CACNA2D3: variants seen among roughly 807,000 people sequenced by gnomAD.
The protein encoded by CACNA2D3 is voltage-dependent calcium channel subunit alpha-2/delta-3.
In CACNA2D3, 60 loss-of-function variants were observed where a neutral mutation model predicts 160.6. The ratio of observed to expected loss-of-function variants is 0.37; its 90% CI spans 0.30 to 0.46. CACNA2D3 has a LOEUF of 0.46. Among genes scored for constraint, CACNA2D3 ranks in the 20% least tolerant of loss-of-function variants. The pLI is 1.00. For missense variants in CACNA2D3, 1,205 were observed against 1,365.0 expected (o/e 0.88, Z 1.85); for synonymous variants, 558 against 492.9 (o/e 1.13, Z -1.75).
At chr3:55,045,397 G>A (rs1704054964) in intron 35 of CACNA2D3, among the ~76,000 whole-genome samples, 1 of 152,142 alleles carries the variant, frequency 6.6e-6, no homozygotes, top group South Asian at 2.1e-4. Flanking sequence ...ATATCAGGAT[G>A]ATGCTAGCCT....
chr3:54,573,031 TATAGA>T (rs1294676187), intron 8 of CACNA2D3, among the ~76,000 whole-genome samples: 8 of 152,128 alleles, frequency 5.3e-5, no homozygotes, highest in Admixed American at 2.0e-4. Flanking sequence ...TGCCAGTTAT[TATAGA>T]AGAGTTAAGA....
chr3:54,627,500 A>G (rs1699149480), intron 9 of CACNA2D3, among the ~76,000 whole-genome samples: 1 of 152,208 alleles, frequency 6.6e-6, no homozygotes, highest in African/African-American at 2.4e-5. Flanking sequence ...AGAGTCACCA[A>G]TGATGAAACG....
chr3:54,165,114 A>ATTTTTTTTTTTTTTTTT (rs397961895), intron 2 of CACNA2D3, among the ~76,000 whole-genome samples: 1 of 117,888 alleles, frequency 8.5e-6, no homozygotes, highest in African/African-American at 3.1e-5. Flanking sequence ...TCTGAATCTC[A>ATTTTTTTTTTTTTTTTT]TTTTTTTTTT....
intron 2 of CACNA2D3, among the ~76,000 whole-genome samples, chr3:54,309,017 AAG>A (rs1210501795): frequency 1.3e-5 from 2 of 152,264 alleles, no homozygotes; most frequent in African/African-American, 4.8e-5. Flanking sequence ...AATGCATACA[AAG>A]AGATATTTCT....
intron 4 of CACNA2D3, among the ~76,000 whole-genome samples, chr3:54,404,137 C>T (rs1699527837): frequency 6.6e-6 from 1 of 152,154 alleles, no homozygotes; most frequent in African/African-American, 2.4e-5. Context: ...AACATGTTTT[C>T]TGAAGCCAGC....
chr3:54,720,641 T>G (rs1276818833), intron 11 of CACNA2D3, among the ~76,000 whole-genome samples: 1 of 152,098 alleles, frequency 6.6e-6, no homozygotes, highest in East Asian at 1.9e-4. Context: ...TCAGATCTAG[T>G]CTCTACTGAT....
At chr3:54,371,079 G>A (rs777905531) in intron 3 of CACNA2D3, among the ~76,000 whole-genome samples, 45 of 152,170 alleles carry the variant, frequency 3.0e-4, no homozygotes, top group Non-Finnish European at 5.7e-4. Flanking sequence ...ATATTCCATT[G>A]TATGGATACA....
At chr3:54,825,746 C>A (rs1703735315) in intron 14 of CACNA2D3, among the ~76,000 whole-genome samples, 1 of 152,228 alleles carries the variant, frequency 6.6e-6, no homozygotes, top group African/African-American at 2.4e-5. Flanking sequence ...ACCATTTTAA[C>A]ACTGAGGTAA....
At chr3:54,489,842 A>T (rs1701079125) in intron 4 of CACNA2D3, among the ~76,000 whole-genome samples, 1 of 152,166 alleles carries the variant, frequency 6.6e-6, no homozygotes, top group Non-Finnish European at 1.5e-5. Flanking sequence ...ATTTTTTTTA[A>T]AGGAACTGTG....
chr3:54,757,273 T>G (rs1351354121), intron 12 of CACNA2D3, among the ~76,000 whole-genome samples: 5 of 152,148 alleles, frequency 3.3e-5, no homozygotes, highest in Non-Finnish European at 7.3e-5. Context: ...TCAGGTCCAA[T>G]GGAAATGCCA....
At chr3:54,573,374 T>C (rs1702530718) in intron 8 of CACNA2D3, among the ~76,000 whole-genome samples, 1 of 152,258 alleles carries the variant, frequency 6.6e-6, no homozygotes, top group South Asian at 2.1e-4. Flanking sequence ...AGGCAATGTA[T>C]GTAATAATTT....
intron 9 of CACNA2D3, among the ~76,000 whole-genome samples, chr3:54,622,496 C>T (rs1365572966): frequency 6.6e-6 from 1 of 151,934 alleles, no homozygotes; most frequent in African/African-American, 2.4e-5. Context: ...AGGACGGTTG[C>T]GATCTCCTGA....
At chr3:54,989,726 G>A (rs1702697154) in intron 31 of CACNA2D3, among the ~76,000 whole-genome samples, 1 of 152,198 alleles carries the variant, frequency 6.6e-6, no homozygotes, top group African/African-American at 2.4e-5. Context: ...TGTATGAAGA[G>A]CTCAATTAGT....
intron 2 of CACNA2D3, among the ~76,000 whole-genome samples, chr3:54,199,621 A>G (rs1200704474): frequency 7.9e-6 from 1 of 126,666 alleles, no homozygotes; most frequent in African/African-American, 4.3e-5. Flanking sequence ...TTTTTAGATG[A>G]GAGAATCTTA....
chr3:54,205,381 C>G (rs757753914), intron 2 of CACNA2D3, among the ~76,000 whole-genome samples: 10 of 152,186 alleles, frequency 6.6e-5, no homozygotes, highest in Non-Finnish European at 1.3e-4. Flanking sequence ...GTGTGATCCA[C>G]TGCACCCAGC....
chr3:54,615,312 A>G (rs533299053), intron 9 of CACNA2D3, among the ~76,000 whole-genome samples: 2 of 152,360 alleles, frequency 1.3e-5, no homozygotes, highest in African/African-American at 4.8e-5. Context: ...ATAAGTAAAT[A>G]CCAAATAAAT....
chr3:54,320,513 A>G lies in CACNA2D3; in HGVS notation c.276A>G (p.Ala92=). The G allele has an allele frequency of 1.3e-6, 2 of 1,569,802 alleles. No individual in the cohort carries two copies. The highest frequency in any genetic ancestry group is 1.7e-6 in the Non-Finnish European group (2 of 1,156,854). ...IDGLQLVKKL[A]KNMEEMFHKK... ...GCCTCCAACTGGTAAAGAAGCTGGC[A>G]AAGAACATGGAAGAGATGTTTCACA... The change falls in exon 3 of 38, where the codon GCA becomes GCG. Residue 92 remains alanine (A), a synonymous_variant. Coordinates refer to ENST00000474759, the MANE Select transcript of CACNA2D3 (RefSeq NM_018398.3).
intron 27 of CACNA2D3, among the ~76,000 whole-genome samples, chr3:54,924,075 G>T (rs113825058): frequency 4.3e-4 from 65 of 152,324 alleles, no homozygotes; most frequent in African/African-American, 1.5e-3. Flanking sequence ...TTGCTTTGCT[G>T]TTGTCATCAT....
chr3:54,246,808 C>G (rs1449369968), intron 2 of CACNA2D3, among the ~76,000 whole-genome samples: 2 of 152,042 alleles, frequency 1.3e-5, no homozygotes, highest in Non-Finnish European at 2.9e-5. Flanking sequence ...ATGAGAACAA[C>G]AGAAGAGGGA....
Sources: gnomAD v4.1 joint callset for allele counts (sites outside exome capture counted in the v4.1 genomes callset) on GRCh38, gnomAD v4.1.1 for gene constraint, MANE v1.5 for transcripts, NCBI Gene and HGNC (gene_info 2026-07-23, HGNC 2026-07-21) for gene names.